TMPRSS11F: variants seen among roughly 807,000 people sequenced by gnomAD.
The protein encoded by TMPRSS11F is transmembrane protease serine 11F.
TMPRSS11F carries 47 observed loss-of-function variants against 60.2 expected under a neutral mutation model. The observed-to-expected ratio is 0.78, with a 90% confidence interval of 0.62 to 1.00. The LOEUF is 1.00. Among genes scored for constraint, TMPRSS11F ranks in the 50% least tolerant of loss-of-function variants. TMPRSS11F has a pLI of 0.00. For missense variants in TMPRSS11F, 519 were observed against 522.9 expected (o/e 0.99, Z 0.07); for synonymous variants, 166 against 167.3 (o/e 0.99, Z 0.06).
intron 1 of TMPRSS11F, among the ~76,000 whole-genome samples, chr4:68,105,490 G>A (rs913185411): frequency 6.6e-6 from 1 of 152,018 alleles, no homozygotes; most frequent in Non-Finnish European, 1.5e-5. Context: ...TCTGTACTTC[G>A]ATCTCCTCAT....
chr4:68,085,547 T>C (rs1205061820), intron 3 of TMPRSS11F, among the ~76,000 whole-genome samples: 1 of 152,180 alleles, frequency 6.6e-6, no homozygotes, highest in Non-Finnish European at 1.5e-5. Flanking sequence ...TCAGCTAACA[T>C]GACAGGAACA....
intron 8 of TMPRSS11F, among the ~76,000 whole-genome samples, chr4:68,059,722 T>C (rs1343929918): frequency 1.3e-5 from 2 of 152,192 alleles, no homozygotes; most frequent in Non-Finnish European, 2.9e-5. Flanking sequence ...TACATACGCA[T>C]GCATTTTTTC....
rs1722993934 is a variant in TMPRSS11F, at chr4:68,054,084, T to G, written c.1159-17A>C. ...AGAATCTCCCTGAAATAAAAACATA[T>G]TTTAAATTGTTAACTCTACTTTAAT... On this transcript the variant is annotated splice_polypyrimidine_tract_variant and intron_variant, in intron 9 of 9. Transcript: ENST00000356291. 1 of 1,606,606 alleles carries G rather than the reference T, an allele frequency of 6.2e-7. No homozygotes were observed. The highest frequency in any genetic ancestry group is 2.2e-5 in the East Asian group (1 of 44,802).
chr4:68,083,178 GCT>G (rs1723741573), intron 3 of TMPRSS11F, among the ~76,000 whole-genome samples: 1 of 152,124 alleles, frequency 6.6e-6, no homozygotes, highest in South Asian at 2.1e-4. Flanking sequence ...CCCACAACCT[GCT>G]CTGACTCCAT....
At chr4:68,068,560 A>T (rs1723379560) in intron 7 of TMPRSS11F, 58 bp downstream of exon 7, 1 of 1,451,250 alleles carries the variant, frequency 6.9e-7, no homozygotes, top group South Asian at 1.1e-5. Context: ...TGATGCGCTA[A>T]ATCAGTGGCA....
intron 5 of TMPRSS11F, 97 bp downstream of exon 5, chr4:68,072,226 A>ATATATATAT (rs61224244): frequency 0.026 from 2,065 of 79,338 alleles, 337 homozygotes; most frequent in African/African-American, 0.03. Flanking sequence ...TCTTCCAAAA[A>ATATATATAT]AAAAATATAT....
chr4:68,084,919 A>G (rs1458598274), intron 3 of TMPRSS11F, among the ~76,000 whole-genome samples: 10 of 133,012 alleles, frequency 7.5e-5, no homozygotes, highest in Admixed American at 1.6e-4. Context: ...AGAGTGTGAT[A>G]TTCCCCTTCC....
At chr4:68,091,723 T>C (rs907488531) in intron 2 of TMPRSS11F, among the ~76,000 whole-genome samples, 5 of 151,550 alleles carry the variant, frequency 3.3e-5, no homozygotes, top group Non-Finnish European at 7.4e-5. Context: ...TTAAATCCTG[T>C]AACTATAACC....
rs36174695 is a variant in TMPRSS11F at position 68,104,959 on chromosome 4, GT to G, written c.12-5922del. 2.7e-3 allele frequency among the ~76,000 whole-genome samples: 382 copies of G among 139,950 alleles called. 4 individuals are homozygous for G. Among genetic ancestry groups the G allele is most frequent in the South Asian group, 0.013 (60 of 4,524 alleles). 91.8% of individuals were successfully genotyped at this position (139,950 alleles called of 152,430 possible). A position where few individuals can be genotyped will look rare whatever the true frequency, so the allele number is the denominator to read the frequency against. ...GTTTATCTAAGAAATTTGCTTGTAGGTTTTTTTTTTTTCCTTGTGATGTCTT... is the reference window on the plus strand; with the variant it reads ...GTTTATCTAAGAAATTTGCTTGTAGGTTTTTTTTTTTCCTTGTGATGTCTT... On this transcript the variant is annotated intron_variant, in intron 1 of 9. Coordinates refer to ENST00000356291, the MANE Select transcript of TMPRSS11F (RefSeq NM_207407.2).
chr4:68,068,509 C>G lies in TMPRSS11F; in HGVS notation c.755+109G>C. 3.4e-6 allele frequency: 3 copies of G among 891,388 alleles called. No individual in the cohort carries two copies. In the South Asian group the frequency reaches 4.4e-5, roughly 13 times the overall value. 55.2% of individuals were successfully genotyped at this position (891,388 alleles called of 1,614,324 possible). The stretch of plus-strand genomic sequence containing the variant: ...CATTTAGGGGACAGCTAGGTCTACC[C>G]TGAATGGAGCAAAGGTTAAACTGGA... On this transcript the variant is annotated intron_variant, in intron 7 of 9. Transcript: ENST00000356291.
At chr4:68,090,728 C>A in intron 2 of TMPRSS11F, 87 bp from the exon 3 acceptor site, 1 of 1,510,262 alleles carries the variant, frequency 6.6e-7, no homozygotes, top group East Asian at 2.4e-5. Flanking sequence ...GCTAAATAGG[C>A]TACAATAATG....
chr4:68,092,076 G>C (rs928645547), intron 2 of TMPRSS11F, among the ~76,000 whole-genome samples: 1 of 152,004 alleles, frequency 6.6e-6, no homozygotes, highest in South Asian at 2.1e-4. Context: ...GTGAGCCACC[G>C]CACCTGGCCA....
At chr4:68,106,406 C>T (rs534323456) in intron 1 of TMPRSS11F, among the ~76,000 whole-genome samples, 1 of 152,234 alleles carries the variant, frequency 6.6e-6, no homozygotes, top group South Asian at 2.1e-4. Flanking sequence ...GTCATGATGA[C>T]ACTGGTATTT....
At chr4:68,073,687 A>G (rs1316690180) in intron 4 of TMPRSS11F, among the ~76,000 whole-genome samples, 2 of 152,156 alleles carry the variant, frequency 1.3e-5, no homozygotes, top group Non-Finnish European at 2.9e-5. Context: ...GGAAGAGGGA[A>G]TGTTAACTGT....
intron 1 of TMPRSS11F, among the ~76,000 whole-genome samples, chr4:68,122,241 G>C (rs1197870238): frequency 6.6e-6 from 1 of 152,092 alleles, no homozygotes; most frequent in Non-Finnish European, 1.5e-5. Context: ...ATTAAACTTT[G>C]TGTAAAAATA....
intron 1 of TMPRSS11F, among the ~76,000 whole-genome samples, chr4:68,126,085 ATTAT>A (rs1340649748): frequency 2.0e-5 from 3 of 152,142 alleles, no homozygotes; most frequent in East Asian, 1.9e-4. Context: ...TATTTGCTTA[ATTAT>A]TTATCACGTT....
chr4:68,094,851 T>C (rs1009378280), intron 2 of TMPRSS11F, among the ~76,000 whole-genome samples: 2 of 125,684 alleles, frequency 1.6e-5, no homozygotes, highest in African/African-American at 5.0e-5. Context: ...TGCAACTCTA[T>C]AAAGCATTTT....
intron 1 of TMPRSS11F, among the ~76,000 whole-genome samples, chr4:68,117,126 AG>A (rs1724538156): frequency 6.7e-6 from 1 of 149,598 alleles, no homozygotes; most frequent in Non-Finnish European, 1.5e-5. Context: ...AAAGTTTATA[AG>A]GAACTCCTAC....
chr4:68,072,249 A>ATATC (rs1171350775), intron 5 of TMPRSS11F, 74 bp downstream of exon 5: 1 of 220,370 alleles, frequency 4.5e-6, no homozygotes, highest in African/African-American at 2.4e-5. Context: ...ATATATATAT[A>ATATC]TTGCTTACAA....
Sources: allele counts gnomAD v4.1 joint callset (sites outside exome capture counted in the v4.1 genomes callset), GRCh38; gene constraint gnomAD v4.1.1; transcripts MANE v1.5; gene names NCBI Gene and HGNC (gene_info 2026-07-23, HGNC 2026-07-21).